WDR33: variants seen among roughly 807,000 people sequenced by gnomAD.
WDR33 encodes the protein pre-mRNA 3' end processing protein WDR33.
WDR33 carries 47 observed loss-of-function variants against 164.9 expected under a neutral mutation model. The ratio of observed to expected loss-of-function variants is 0.29; its 90% CI spans 0.23 to 0.36. The LOEUF is 0.36. Among genes scored for constraint, WDR33 ranks in the 10% least tolerant of loss-of-function variants. The pLI is 1.00. For missense variants in WDR33, 1,137 were observed against 1,754.1 expected, an observed-to-expected ratio of 0.65 and a Z score of 6.28; for synonymous variants, 505 against 589.0, an observed-to-expected ratio of 0.86 and a Z score of 2.06.
At chr2:127,797,513 C>CA (rs1689081314) in intron 1 of WDR33, among the ~76,000 whole-genome samples, 1 of 151,934 alleles carries the variant, frequency 6.6e-6, no homozygotes, top group Admixed American at 6.6e-5. Flanking sequence ...GATATTAAGC[C>CA]AAAAAACCCC....
intron 1 of WDR33, among the ~76,000 whole-genome samples, chr2:127,771,256 C>T (rs1329132321): frequency 3.9e-5 from 6 of 152,132 alleles, no homozygotes; most frequent in Admixed American, 2.0e-4. Flanking sequence ...TATATACAGC[C>T]TACTACACAC....
chr2:127,805,143 TG>T (rs1689391350), intron 1 of WDR33, among the ~76,000 whole-genome samples: 1 of 141,638 alleles, frequency 7.1e-6, no homozygotes, highest in South Asian at 2.3e-4. Flanking sequence ...AGCAGCAGGA[TG>T]TCGGCTCACT....
chr2:127,712,350 C>A lies in WDR33; in HGVS notation c.3308+1233G>T, dbSNP rs1043194346. 3.3e-5 allele frequency among the ~76,000 whole-genome samples: 5 copies of A among 151,206 alleles called. No individual in the cohort carries two copies. The highest frequency in any genetic ancestry group is 5.9e-5 in the Non-Finnish European group (4 of 67,942). On this transcript the variant is annotated intron_variant, in intron 18 of 21. Coordinates refer to ENST00000322313, the MANE Select transcript of WDR33 (RefSeq NM_018383.5). The surrounding 1 kb of genome is among the most constrained non-coding windows in gnomAD (Gnocchi z 4.0). ...GGTGGAGGCTGCAGTGAGCCGAGAT[C>A]GTGCCACTGCACTCCAGCCTGGCAA...
At position 127,703,879 on chromosome 2, in the gene WDR33, A is replaced by T. The variant is rs779424048; in HGVS notation, c.*2444T>A. Reference sequence around the variant, plus strand: ...ACACCTGTAATCCCAGCATTTTGGGAGGCCAAGGCGGGAGGATCACTTGAG... The same window carrying T: ...ACACCTGTAATCCCAGCATTTTGGGTGGCCAAGGCGGGAGGATCACTTGAG... On this transcript the variant is annotated 3_prime_UTR_variant, in exon 22 of 22. Transcript: ENST00000322313. 1.8e-5 allele frequency: 3 copies of T among 166,630 alleles called. No individual in the cohort carries two copies. The highest frequency in any genetic ancestry group is 4.4e-5 in the Non-Finnish European group (3 of 68,118). The allele number at this position is 166,630 out of a possible 1,614,324, so 10.3% of individuals were successfully genotyped here.
rs545091063 is a variant in WDR33, at chr2:127,720,544, CTTTT to C, written c.1672-195_1672-192del. ...AAGGAGTTTTAGGTTCTTTCTCATT[CTTTT>C]TAAGTCCTGGGACACAGTAGTAAGG... On this transcript the variant is annotated intron_variant, in intron 15 of 21. Coordinates refer to ENST00000322313, the MANE Select transcript of WDR33 (RefSeq NM_018383.5). This position sits in a 1 kb window ranked among gnomAD's most constrained non-coding sequence, Gnocchi z 5.9. Among the ~76,000 whole-genome samples the C allele has an allele frequency of 7.2e-4, 110 of 152,086 alleles. 1 individual carries two copies. The highest frequency in any genetic ancestry group is 3.3e-3 in the Admixed American group (50 of 15,276).
intron 1 of WDR33, among the ~76,000 whole-genome samples, chr2:127,782,322 C>T (rs1354257869): frequency 2.0e-5 from 3 of 151,510 alleles, no homozygotes; most frequent in Admixed American, 6.6e-5. Context: ...GCAGGAGAAT[C>T]GCTTGAACCT....
At position 127,771,547 on chromosome 2, in the gene WDR33, C is replaced by T. The variant is rs115228958; in HGVS notation, c.-23-543G>A. 2.3e-3 allele frequency among the ~76,000 whole-genome samples: 353 copies of T among 152,176 alleles called. 1 individual carries two copies. The highest frequency in any genetic ancestry group is 8.2e-3 in the African/African-American group (342 of 41,528). ...CATCTGAAAAAGACTACGGTCAAGG[C>T]GGAAGGATCGCTTGAGGCCAGGAGT... On this transcript the variant is annotated intron_variant, in intron 1 of 21. Transcript: ENST00000322313.
At chr2:127,769,925 C>T (rs957003560) in intron 2 of WDR33, among the ~76,000 whole-genome samples, 2 of 152,156 alleles carry the variant, frequency 1.3e-5, no homozygotes, top group Non-Finnish European at 2.9e-5. Context: ...TGCAGGTAGA[C>T]CCCTGCCTTG....
chr2:127,787,660 A>G (rs868104329), intron 1 of WDR33, among the ~76,000 whole-genome samples: 41 of 48,728 alleles, frequency 8.4e-4, no homozygotes, highest in East Asian at 1.4e-3. Context: ...GGCCGGGCGG[A>G]GGGCTGACCC....
chr2:127,736,584 T>C (rs753346851), intron 7 of WDR33: 14 of 985,446 alleles, frequency 1.4e-5, no homozygotes, highest in Non-Finnish European at 1.7e-5. Flanking sequence ...ATGGTTTCTA[T>C]TGATTTGTAC....
Position 127,770,510 on chromosome 2 carries a change from T to C in WDR33, c.204+268A>G, listed in dbSNP as rs1272818706. On this transcript the variant is annotated intron_variant, in intron 2 of 21. Transcript: ENST00000322313. The surrounding 1 kb of genome is among the most constrained non-coding windows in gnomAD (Gnocchi z 4.9). ...TTTGAGACCAGCCTGGCCAACATGG[T>C]TGAAATTACGTCTCTACTAAAACTA... Among the ~76,000 whole-genome samples, 1 of 151,926 alleles carries C rather than the reference T, an allele frequency of 6.6e-6. No homozygotes were observed. Among genetic ancestry groups the C allele is most frequent in the Non-Finnish European group, 1.5e-5 (1 of 67,958 alleles).
At chr2:127,794,262 GGCAGAGGCAGGT>G in intron 1 of WDR33, among the ~76,000 whole-genome samples, 1 of 151,032 alleles carries the variant, frequency 6.6e-6, no homozygotes, top group South Asian at 2.1e-4. Context: ...CACTTTGGGA[GGCAGAGGCAGGT>G]GGATCACCTG....
rs1686259255 is a variant in WDR33, at chr2:127,714,778, A to G, written c.2870-757T>C. On this transcript the variant is annotated intron_variant, in intron 17 of 21. Transcript: ENST00000322313. The surrounding 1 kb of genome is among the most constrained non-coding windows in gnomAD (Gnocchi z 4.3). ...CAGTTAAATGTGTGATGGTTAACTT[A>G]GTTCACCTCCTAACTTGGAAGGGAC... 6.6e-6 allele frequency among the ~76,000 whole-genome samples: 1 copy of G among 152,248 alleles called. No homozygotes were observed. The highest frequency in any genetic ancestry group is 6.5e-5 in the Admixed American group (1 of 15,278).
intron 1 of WDR33, among the ~76,000 whole-genome samples, chr2:127,781,676 T>G (rs1184701170): frequency 2.0e-5 from 3 of 152,076 alleles, no homozygotes; most frequent in African/African-American, 7.2e-5. Flanking sequence ...AAAGTTAACA[T>G]GAGCAATTCA....
rs531313497 is a variant in WDR33, at chr2:127,724,407, G to A, written c.1122C>T (p.His374=). Reference sequence around the variant, plus strand: ...AAGCCAGACTCCAGATCATCCCTTCGTGAGCCATCTCCATCCCACCCACTT... The same window carrying A: ...AAGCCAGACTCCAGATCATCCCTTCATGAGCCATCTCCATCCCACCCACTT... ...EKEVGGMEMA[H]EGMIWSLAWH... Residue 374 remains histidine (H), a synonymous_variant, in exon 11 of 22, where the codon CAC becomes CAT. Coordinates refer to ENST00000322313, the MANE Select transcript of WDR33 (RefSeq NM_018383.5). The surrounding 1 kb of genome is among the most constrained non-coding windows in gnomAD (Gnocchi z 4.8). 20 of 1,614,046 alleles carry A rather than the reference G, an allele frequency of 1.2e-5. No individual in the cohort carries two copies. Among genetic ancestry groups the A allele is most frequent in the African/African-American group, 6.7e-5 (5 of 74,998 alleles).
At chr2:127,743,529 T>C (rs1687085906) in intron 7 of WDR33, among the ~76,000 whole-genome samples, 1 of 152,202 alleles carries the variant, frequency 6.6e-6, no homozygotes, top group South Asian at 2.1e-4. Flanking sequence ...GTTCTCATTG[T>C]TTAGAATTTT....
rs565110202 is a variant in WDR33 at position 127,805,260 on chromosome 2, A to G, written c.-24+5752T>C. ...ACCCAGCATTTTTTTTTCTTTTTTT[A>G]AAATAGAGACAGGGTTTTGCCAAAT... On this transcript the variant is annotated intron_variant, in intron 1 of 21. Coordinates refer to ENST00000322313, the MANE Select transcript of WDR33 (RefSeq NM_018383.5). Among the ~76,000 whole-genome samples the G allele has an allele frequency of 3.3e-5, 5 of 150,708 alleles. No individual in the cohort carries two copies. In the East Asian group the frequency reaches 9.8e-4, roughly 29 times the overall value.
intron 1 of WDR33, among the ~76,000 whole-genome samples, chr2:127,786,496 A>G (rs1166799599): frequency 1.3e-5 from 2 of 152,202 alleles, no homozygotes; most frequent in African/African-American, 2.4e-5. Flanking sequence ...CAGCTCAGTC[A>G]ACATGGCAAA....
intron 1 of WDR33, among the ~76,000 whole-genome samples, chr2:127,785,915 A>T (rs1688548434): frequency 6.6e-6 from 1 of 152,250 alleles, no homozygotes; most frequent in Non-Finnish European, 1.5e-5. Context: ...AAGTAGGTGT[A>T]CCATTCTGCA....
Sources: gnomAD v4.1 joint callset for allele counts (sites outside exome capture counted in the v4.1 genomes callset) on GRCh38, gnomAD v4.1.1 for gene constraint, Gnocchi (gnomAD v3.1) non-coding constraint, MANE v1.5 for transcripts, NCBI Gene and HGNC (gene_info 2026-07-23, HGNC 2026-07-21) for gene names.